Variants in ST8SIA1 observed in about 807,000 individuals in gnomAD.
The protein encoded by ST8SIA1 is ST8 alpha-N-acetyl-neuraminide alpha-2,8-sialyltransferase 1.
A neutral mutation model predicts 35.9 loss-of-function variants in ST8SIA1; 16 were observed. The observed-to-expected ratio is 0.45, with a 90% CI of 0.30 to 0.68. ST8SIA1 has a LOEUF of 0.68. Ranked by LOEUF, ST8SIA1 falls within the 30% of genes least tolerant of loss-of-function variation. The pLI is 0.09. For missense variants in ST8SIA1, 383 were observed against 453.6 expected, an observed-to-expected ratio of 0.84 and a Z score of 1.41; for synonymous variants, 170 against 169.6, an observed-to-expected ratio of 1.00 and a Z score of -0.02.
At chr12:22,320,368 T>G (rs1866570695) in intron 1 of ST8SIA1, among the ~76,000 whole-genome samples, 1 of 151,862 alleles carries the variant, frequency 6.6e-6, no homozygotes, top group Non-Finnish European at 1.5e-5. Context: ...ACTCCACAGG[T>G]TTTCTAAGAG....
At chr12:22,262,529 A>G (rs908731949) in intron 2 of ST8SIA1, among the ~76,000 whole-genome samples, 5 of 152,190 alleles carry the variant, frequency 3.3e-5, no homozygotes, top group African/African-American at 9.7e-5. Flanking sequence ...AGACATAACT[A>G]GATGTCTTGA....
At chr12:22,222,272 G>A (rs772886320) in intron 4 of ST8SIA1, among the ~76,000 whole-genome samples, 2 of 152,110 alleles carry the variant, frequency 1.3e-5, no homozygotes, top group Admixed American at 6.5e-5. Context: ...CAAGGGAATC[G>A]TTGTGCTAGA....
rs71053397 is a variant in ST8SIA1 at position 22,305,379 on chromosome 12, C to CT, written c.237-18087dup. 6.8e-3 allele frequency among the ~76,000 whole-genome samples: 901 copies of CT among 132,952 alleles called. 10 individuals carry two copies. The highest frequency in any genetic ancestry group is 0.019 in the Admixed American group (252 of 13,074). 87.2% of individuals were successfully genotyped at this position (132,952 alleles called of 152,430 possible). A position where few individuals can be genotyped will look rare whatever the true frequency, so the allele number is the denominator to read the frequency against. ...AATTGTCTTAAGAATTTCCAGCATA[C>CT]TTTTTTTTTTTTTTTTTTTGAGATG... On this transcript the variant is annotated intron_variant, in intron 1 of 4. Coordinates refer to ENST00000396037, the MANE Select transcript of ST8SIA1 (RefSeq NM_003034.4).
chr12:22,194,241 G>A lies in ST8SIA1; in HGVS notation c.*7311C>T, dbSNP rs1864956510. ...GGTGCTCAAGACTGAATGATAAACA[G>A]TGACAGATTGATTCCTTGCTTCCGG... On this transcript the variant is annotated 3_prime_UTR_variant, in exon 5 of 5. Coordinates refer to ENST00000396037, the MANE Select transcript of ST8SIA1 (RefSeq NM_003034.4). The A allele has an allele frequency of 6.6e-6, 1 of 152,158 alleles. No individual in the cohort carries two copies. Among genetic ancestry groups the A allele is most frequent in the East Asian group, 1.9e-4 (1 of 5,192 alleles). The allele number at this position is 152,158 out of a possible 1,614,324, so 9.4% of individuals were successfully genotyped here.
chr12:22,271,326 T>G (rs1367396495), intron 2 of ST8SIA1, among the ~76,000 whole-genome samples: 1 of 152,204 alleles, frequency 6.6e-6, no homozygotes, highest in Non-Finnish European at 1.5e-5. Context: ...AAGCACAACT[T>G]AATTGAGGAA....
At position 22,243,759 on chromosome 12, in the gene ST8SIA1, C is replaced by A. The variant is rs918925905; in HGVS notation, c.584+5247G>T. ...TTCAAATATTTTTATTGGCCGGGTG[C>A]AGTGGCTCACACCTGGAATGCCAGC... On this transcript the variant is annotated intron_variant, in intron 4 of 4. Coordinates refer to ENST00000396037, the MANE Select transcript of ST8SIA1 (RefSeq NM_003034.4). 1.3e-5 allele frequency among the ~76,000 whole-genome samples: 2 copies of A among 152,136 alleles called. 1 individual carries two copies. Among genetic ancestry groups the A allele is most frequent in the Admixed American group, 1.3e-4 (2 of 15,274 alleles).
chr12:22,287,272 G>T lies in ST8SIA1; in HGVS notation c.258C>A (p.Cys86Ter). ...RAFRKQMEDC[C>*]DPAHLFAMTK... is the part of the protein sequence containing the mutation. The stretch of plus-strand genomic sequence containing the variant: ...TCATAGCAAAGAGATGGGCAGGGTC[G>T]CAGCAGTCTTCCATTTGTTTCCTAG... The change falls in exon 2 of 5, where the codon TGC becomes TGA. Residue 86 changes from cysteine to a stop codon, truncating the protein, a stop_gained. Coordinates refer to ENST00000396037, the MANE Select transcript of ST8SIA1 (RefSeq NM_003034.4). LOFTEE classifies it high-confidence loss of function. The T allele has an allele frequency of 6.2e-7, 1 of 1,612,694 alleles. No homozygotes were observed. Among genetic ancestry groups the T allele is most frequent in the Non-Finnish European group, 8.5e-7 (1 of 1,179,516 alleles).
rs567013772 is a variant in ST8SIA1, at chr12:22,278,897, C to A, written c.381+8252G>T. On this transcript the variant is annotated intron_variant, in intron 2 of 4. Coordinates refer to ENST00000396037, the MANE Select transcript of ST8SIA1 (RefSeq NM_003034.4). ...TCAGCAGATGTTGACCCATGCCCAT[C>A]TATCCTAAATTTTCTCACCACACTT... Among the ~76,000 whole-genome samples the A allele has an allele frequency of 6.6e-5, 10 of 152,314 alleles. 1 individual carries two copies. In the South Asian group the frequency reaches 2.1e-3, roughly 32 times the overall value.
At chr12:22,257,342 G>A (rs1032242155) in intron 2 of ST8SIA1, among the ~76,000 whole-genome samples, 1 of 150,226 alleles carries the variant, frequency 6.7e-6, no homozygotes, top group African/African-American at 2.5e-5. Context: ...CTCTTCAGTA[G>A]CTAGGATTAC....
At chr12:22,301,809 G>A (rs1037046539) in intron 1 of ST8SIA1, among the ~76,000 whole-genome samples, 4 of 152,226 alleles carry the variant, frequency 2.6e-5, no homozygotes, top group African/African-American at 9.6e-5. Flanking sequence ...GCAGGCTCAG[G>A]AGCCCCAGCC....
chr12:22,269,241 A>G, intron 2 of ST8SIA1, among the ~76,000 whole-genome samples: 1 of 152,168 alleles, frequency 6.6e-6, no homozygotes, highest in East Asian at 1.9e-4. Flanking sequence ...TAAATGAAAT[A>G]CAGGGTTGTT....
chr12:22,319,151 C>A (rs1012207160), intron 1 of ST8SIA1, among the ~76,000 whole-genome samples: 1 of 152,060 alleles, frequency 6.6e-6, no homozygotes, highest in Non-Finnish European at 1.5e-5. Flanking sequence ...TTTGCATTTG[C>A]GAATGTTAAA....
chr12:22,253,652 T>A (rs1865697842), intron 3 of ST8SIA1, among the ~76,000 whole-genome samples: 1 of 152,190 alleles, frequency 6.6e-6, no homozygotes. Context: ...ATGTCATGGG[T>A]GCTCAATGAG....
intron 1 of ST8SIA1, among the ~76,000 whole-genome samples, chr12:22,290,211 T>G: frequency 6.6e-6 from 1 of 152,176 alleles, no homozygotes; most frequent in Non-Finnish European, 1.5e-5. Flanking sequence ...TTCATCCAGA[T>G]CTCCACATCT....
intron 1 of ST8SIA1, among the ~76,000 whole-genome samples, chr12:22,312,639 T>C (rs1866464572): frequency 1.3e-5 from 2 of 151,486 alleles, no homozygotes; most frequent in Non-Finnish European, 2.9e-5. Flanking sequence ...AAATATAAAT[T>C]AGTCATTGCT....
intron 1 of ST8SIA1, among the ~76,000 whole-genome samples, chr12:22,297,606 A>G (rs1866261462): frequency 6.6e-6 from 1 of 152,064 alleles, no homozygotes. Context: ...TCTAAAACAT[A>G]TGGGTCTCTC....
At chr12:22,299,197 T>C (rs1232901986) in intron 1 of ST8SIA1, among the ~76,000 whole-genome samples, 1 of 152,096 alleles carries the variant, frequency 6.6e-6, no homozygotes, top group African/African-American at 2.4e-5. Flanking sequence ...AAAAATATAT[T>C]GTAGGAAAAC....
chr12:22,255,515 G>GA (rs34935354), intron 2 of ST8SIA1, 126 bp from the exon 3 acceptor site: 4 of 803,462 alleles, frequency 5.0e-6, no homozygotes, highest in East Asian at 4.9e-5. Context: ...AAGAGCATGT[G>GA]AAAAGAAAGA....
chr12:22,262,964 A>G (rs1865808950), intron 2 of ST8SIA1, among the ~76,000 whole-genome samples: 1 of 152,180 alleles, frequency 6.6e-6, no homozygotes, highest in South Asian at 2.1e-4. Context: ...GATTTCTTGA[A>G]TCCTTTTCGG....
Sources: allele counts gnomAD v4.1 joint callset (sites outside exome capture counted in the v4.1 genomes callset), GRCh38; gene constraint gnomAD v4.1.1; transcripts MANE v1.5; gene names NCBI Gene and HGNC (gene_info 2026-07-23, HGNC 2026-07-21).